COL14A1: variants seen among roughly 807,000 people sequenced by gnomAD.
COL14A1 encodes collagen type XIV alpha 1 chain.
COL14A1 carries 136 observed loss-of-function variants against 230.3 expected under a neutral mutation model. The ratio of observed to expected loss-of-function variants is 0.59; its 90% CI spans 0.51 to 0.68. The LOEUF is 0.68. Among genes scored for constraint, COL14A1 ranks in the 30% least tolerant of loss-of-function variants. The pLI is 0.00. For synonymous variants in COL14A1, 792 were observed against 784.1 expected, an observed-to-expected ratio of 1.01 and a Z score of -0.17; for missense variants, 1,976 against 2,215.8, an observed-to-expected ratio of 0.89 and a Z score of 2.17.
chr8:120,353,899 C>G (rs1271020600), intron 45 of COL14A1, among the ~76,000 whole-genome samples: 2 of 150,744 alleles, frequency 1.3e-5, no homozygotes, highest in African/African-American at 4.9e-5. Context: ...GGGTATATAC[C>G]CAAAGGACTA....
At chr8:120,370,213 TC>T (rs1823539381) in intron 47 of COL14A1, 7 of 979,376 alleles carry the variant, frequency 7.1e-6, no homozygotes, top group South Asian at 4.6e-5. Context: ...TTTAAAATTT[TC>T]TGCTTCAGTA....
intron 4 of COL14A1, among the ~76,000 whole-genome samples, chr8:120,166,263 T>C (rs1329915297): frequency 6.6e-6 from 1 of 152,198 alleles, no homozygotes; most frequent in Non-Finnish European, 1.5e-5. Flanking sequence ...ATTTAGGAAC[T>C]AGTGCTTTAG....
At chr8:120,167,527 A>G (rs543900751) in intron 4 of COL14A1, among the ~76,000 whole-genome samples, 13 of 152,354 alleles carry the variant, frequency 8.5e-5, no homozygotes, top group African/African-American at 3.1e-4. Context: ...TGGAAAGTTA[A>G]GCTAATGGTG....
intron 2 of COL14A1, among the ~76,000 whole-genome samples, chr8:120,157,853 G>T (rs1237735472): frequency 1.3e-5 from 2 of 152,162 alleles, no homozygotes; most frequent in Admixed American, 1.3e-4. Flanking sequence ...GGGCGTGGTG[G>T]CACGTGCCTG....
intron 47 of COL14A1, chr8:120,370,556 T>A: frequency 6.8e-7 from 1 of 1,462,226 alleles, no homozygotes; most frequent in Non-Finnish European, 9.0e-7. Flanking sequence ...CATGATGGAG[T>A]GATAACATCG....
chr8:120,341,194 G>C, intron 42 of COL14A1, 131 bp from the exon 43 acceptor site: 1 of 842,390 alleles, frequency 1.2e-6, no homozygotes, highest in Non-Finnish European at 2.0e-6. Flanking sequence ...TTCTGTTGTT[G>C]TGTAATGATT....
chr8:120,205,091 G>A (rs1042737691), intron 9 of COL14A1, among the ~76,000 whole-genome samples: 3 of 130,722 alleles, frequency 2.3e-5, no homozygotes, highest in African/African-American at 8.5e-5. Flanking sequence ...GGGTAAAGGT[G>A]TGGCCACATT....
At chr8:120,168,049 A>G (rs1416632590) in intron 4 of COL14A1, 112 bp from the exon 5 acceptor site, 1 of 620,134 alleles carries the variant, frequency 1.6e-6, no homozygotes, top group Admixed American at 2.9e-5. Flanking sequence ...TGTACCACGG[A>G]GCTCATTTCT....
intron 45 of COL14A1, among the ~76,000 whole-genome samples, chr8:120,349,775 G>C (rs1822674860): frequency 7.4e-6 from 1 of 134,992 alleles, no homozygotes; most frequent in Admixed American, 7.4e-5. Flanking sequence ...TTACCTGAAA[G>C]TGATGGGGAG....
intron 19 of COL14A1, among the ~76,000 whole-genome samples, chr8:120,235,574 G>T (rs1818416749): frequency 6.6e-6 from 1 of 151,948 alleles, no homozygotes; most frequent in Non-Finnish European, 1.5e-5. Context: ...CAAGCTCCTG[G>T]ATTCACTGAT....
At chr8:120,180,164 A>G (rs753406050) in intron 5 of COL14A1, among the ~76,000 whole-genome samples, 2 of 152,236 alleles carry the variant, frequency 1.3e-5, no homozygotes, top group Non-Finnish European at 2.9e-5. Flanking sequence ...AACCATGACA[A>G]TGAAGATAAG....
chr8:120,208,221 T>G lies in COL14A1; in HGVS notation c.1192-11T>G. On this transcript the variant is annotated splice_polypyrimidine_tract_variant and intron_variant, in intron 10 of 47. Coordinates refer to ENST00000297848, the MANE Select transcript of COL14A1 (RefSeq NM_021110.4). ...TCCATACTCTCATTACTCAAACTGT[T>G]CTTTAAACAGGTGGTGGTAGATGGA... 6.2e-7 allele frequency: 1 copy of G among 1,601,904 alleles called. No homozygotes were observed. The highest frequency in any genetic ancestry group is 8.5e-7 in the Non-Finnish European group (1 of 1,171,700).
chr8:120,199,320 C>A (rs1730242107), intron 7 of COL14A1, 82 bp from the exon 8 acceptor site: 1 of 1,266,210 alleles, frequency 7.9e-7, no homozygotes, highest in South Asian at 1.8e-5. Flanking sequence ...AATAGGTTAC[C>A]CATCTTGTGG....
intron 1 of COL14A1, among the ~76,000 whole-genome samples, chr8:120,139,514 CT>C (rs1182076264): frequency 1.3e-5 from 2 of 152,140 alleles, no homozygotes; most frequent in African/African-American, 4.8e-5. Context: ...TTTGCCTAAA[CT>C]TTTTTGCCAA....
At chr8:120,131,685 C>A (rs1814532342) in intron 1 of COL14A1, among the ~76,000 whole-genome samples, 1 of 151,848 alleles carries the variant, frequency 6.6e-6, no homozygotes, top group Non-Finnish European at 1.5e-5. Flanking sequence ...TTGATAGTTT[C>A]TTTTGCTATT....
intron 5 of COL14A1, among the ~76,000 whole-genome samples, chr8:120,170,668 A>G (rs778206773): frequency 2.0e-5 from 3 of 152,052 alleles, no homozygotes; most frequent in Non-Finnish European, 4.4e-5. Flanking sequence ...TTTTGTTTTA[A>G]ATACCTAAAG....
chr8:120,132,922 A>G (rs1254886191), intron 1 of COL14A1, among the ~76,000 whole-genome samples: 1 of 152,154 alleles, frequency 6.6e-6, no homozygotes, highest in Non-Finnish European at 1.5e-5. Flanking sequence ...ATACCGTGCT[A>G]TTATAACTGT....
At chr8:120,174,110 C>T (rs977499464) in intron 5 of COL14A1, among the ~76,000 whole-genome samples, 2 of 152,192 alleles carry the variant, frequency 1.3e-5, no homozygotes, top group Admixed American at 6.5e-5. Flanking sequence ...ATCACATCTG[C>T]TATTCCTTCC....
chr8:120,164,459 T>C (rs751998421), intron 4 of COL14A1, among the ~76,000 whole-genome samples: 4 of 152,154 alleles, frequency 2.6e-5, no homozygotes, highest in Non-Finnish European at 4.4e-5. Flanking sequence ...GTGAGACTTA[T>C]AGGCTGGTGC....
Sources: allele counts gnomAD v4.1 joint callset (sites outside exome capture counted in the v4.1 genomes callset), GRCh38; gene constraint gnomAD v4.1.1; transcripts MANE v1.5; gene names NCBI Gene and HGNC (gene_info 2026-07-23, HGNC 2026-07-21).